The following KMT2B variants were observed in gnomAD, a reference collection of about 807,000 sequenced individuals.
The protein encoded by KMT2B is histone-lysine N-methyltransferase 2B.
KMT2B carries 22 observed loss-of-function variants against 255.3 expected under a neutral mutation model. The ratio of observed to expected loss-of-function variants is 0.09; its 90% CI spans 0.06 to 0.12. The LOEUF is 0.12. Ranked by LOEUF, KMT2B falls within the 10% of genes least tolerant of loss-of-function variation. KMT2B has a pLI of 1.00. For missense variants in KMT2B, 3,149 were observed against 3,737.0 expected, an observed-to-expected ratio of 0.84 and a Z score of 4.10; for synonymous variants, 1,730 against 1,498.1, an observed-to-expected ratio of 1.15 and a Z score of -3.57.
Position 35,725,565 on chromosome 19 carries a change from C to G in KMT2B, c.3729C>G (p.Thr1243=). The G allele has an allele frequency of 6.2e-7, 1 of 1,610,574 alleles. No homozygotes were observed. The highest frequency in any genetic ancestry group is 8.5e-7 in the Non-Finnish European group (1 of 1,179,878). The change falls in exon 12 of 37, where the codon ACC becomes ACG. Residue 1243 remains threonine, a synonymous_variant. Transcript: ENST00000420124. The surrounding 1 kb of genome is among the most constrained non-coding windows in gnomAD (Gnocchi z 4.1). ...AERPLPQHHD[T]WCCRRCKFCH... Reference sequence around the variant, plus strand: ...GGCCCCTGCCCCAGCATCACGACACCTGGTGCTGCCGTCGCTGCAAATTCT... The same window carrying G: ...GGCCCCTGCCCCAGCATCACGACACGTGGTGCTGCCGTCGCTGCAAATTCT...
Position 35,733,711 on chromosome 19 carries a change from G to A in KMT2B, c.7049+25G>A. On this transcript the variant is annotated intron_variant, in intron 29 of 36. Coordinates refer to ENST00000420124, the MANE Select transcript of KMT2B (RefSeq NM_014727.3). This position sits in a 1 kb window ranked among gnomAD's most constrained non-coding sequence, Gnocchi z 4.3. ...GGTGAGTGGCCAGGCCCCTCTCCCTGGAGGGTCTGGGACCTCTGTCCTTCC... is the reference window on the plus strand; with the variant it reads ...GGTGAGTGGCCAGGCCCCTCTCCCTAGAGGGTCTGGGACCTCTGTCCTTCC... 6.2e-7 allele frequency: 1 copy of A among 1,606,658 alleles called. No individual in the cohort carries two copies. Among genetic ancestry groups the A allele is most frequent in the Non-Finnish European group, 8.5e-7 (1 of 1,176,410 alleles).
chr19:35,729,347 C>T (rs755115391), intron 22 of KMT2B, 51 bp downstream of exon 22: 18 of 1,548,376 alleles, frequency 1.2e-5, no homozygotes, highest in Non-Finnish European at 1.5e-5. Flanking sequence ...CTTGGGGAGG[C>T]CTCCTCCGGT....
chr19:35,730,803 G>T lies in KMT2B; in HGVS notation c.5373G>T (p.Glu1791Asp). ...ATCGGCCATGGGGGCCGAGGGAAGA[G>T]CCAGCTCACCTGGAGGCTGCAGAGG... The part of the protein sequence containing the change: ...LEYRPWGPRE[E>D]PAHLEAAEEN... Residue 1791 changes from glutamate to aspartate, a missense_variant, in exon 26 of 37, where the codon GAG (glutamate) becomes GAT (aspartate). Glu to Asp is a conservative substitution (Grantham distance 45). Around this residue, in one of 18 missense-constraint regions of KMT2B, gnomAD observed 34 missense variants for 51.6 expected, o/e 0.66. Coordinates refer to ENST00000420124, the MANE Select transcript of KMT2B (RefSeq NM_014727.3). 1 of 1,613,728 alleles carries T rather than the reference G, an allele frequency of 6.2e-7. No individual in the cohort carries two copies. Among genetic ancestry groups the T allele is most frequent in the Non-Finnish European group, 8.5e-7 (1 of 1,179,818 alleles).
intron 3 of KMT2B, 155 bp from the exon 4 acceptor site, chr19:35,722,204 C>G: frequency 3.2e-6 from 1 of 316,228 alleles, no homozygotes; most frequent in Admixed American, 6.5e-5. Context: ...AGGGTTTCAC[C>G]ACATTGGCTA....
In KMT2B at chr19:35,723,864, C is replaced by T. The variant is rs755772248; in HGVS notation, c.3191C>T (p.Pro1064Leu). 23 of 1,607,394 alleles carry T rather than the reference C, an allele frequency of 1.4e-5. No homozygotes were observed. The East Asian group carries it at 4.9e-4, about 34-fold the overall frequency. The change falls in exon 8 of 37, where the codon CCC (proline) becomes CTC (leucine). Residue 1064 changes from proline (P) to leucine (L), a missense_variant. Transcript: ENST00000420124. The surrounding 1 kb of genome is among the most constrained non-coding windows in gnomAD (Gnocchi z 7.5). ...PREEVVAHPG[P>L]EEQDSLLQRK... Reference sequence around the variant, plus strand: ...GAGGAGGTGGTGGCCCACCCAGGGCCCGAGGAGCAGGACTCCCTCCTGCAG... The same window carrying T: ...GAGGAGGTGGTGGCCCACCCAGGGCTCGAGGAGCAGGACTCCCTCCTGCAG...
At chr19:35,728,010 G>T (rs756473080) in intron 18 of KMT2B, 25 bp downstream of exon 18, 4 of 1,549,114 alleles carry the variant, frequency 2.6e-6, no homozygotes, top group South Asian at 1.2e-5. Flanking sequence ...GGATGCTTGT[G>T]GGGTGGGGGA....
At position 35,721,008 on chromosome 19, in the gene KMT2B, C is replaced by G; in HGVS notation, c.1661C>G (p.Pro554Arg). ...RRFMDEDPPK[P>R]PKVEVSPVLR... ...TTTATGGATGAAGACCCCCCCAAAC[C>G]CCCAAAGGTGGAGGTCTCACCTGTC... The change falls in exon 3 of 37, where the codon CCC becomes CGC. Residue 554 changes from proline to arginine, a missense_variant. By Grantham distance (103) the Pro-to-Arg change is moderately radical. Around this residue, in one of 18 missense-constraint regions of KMT2B, gnomAD observed 1,188 missense variants for 1,106.4 expected, o/e 1.07. Coordinates refer to ENST00000420124, the MANE Select transcript of KMT2B (RefSeq NM_014727.3). 1.9e-6 allele frequency: 3 copies of G among 1,610,506 alleles called. No homozygotes were observed. Among genetic ancestry groups the G allele is most frequent in the Non-Finnish European group, 2.5e-6 (3 of 1,178,768 alleles).
Position 35,728,722 on chromosome 19 carries a change from C to T in KMT2B, c.4572-52C>T, listed in dbSNP as rs142644094. On this transcript the variant is annotated intron_variant, in intron 19 of 36. Transcript: ENST00000420124. ...TCAGGCTGGTTTGTGGATGGGCCCC[C>T]GTTCAGCTGCCCTTGTTGGGCACAT... 4.1e-3 allele frequency: 5,935 copies of T among 1,437,990 alleles called. 17 individuals are homozygous for T. Among genetic ancestry groups the T allele is most frequent in the Non-Finnish European group, 4.9e-3 (5,071 of 1,026,224 alleles). 89.1% of individuals were successfully genotyped at this position (1,437,990 alleles called of 1,614,324 possible).
Position 35,720,997 on chromosome 19 carries a change from C to G in KMT2B, c.1650C>G (p.Asp550Glu), listed in dbSNP as rs775276995. 43 of 1,609,668 alleles carry G rather than the reference C, an allele frequency of 2.7e-5. 1 individual carries two copies. The South Asian group carries it at 4.5e-4, about 17-fold the overall frequency. ...CACCCCGGCGATTTATGGATGAAGA[C>G]CCCCCCAAACCCCCAAAGGTGGAGG... ...IKTPRRFMDE[D>E]PPKPPKVEVS... The change falls in exon 3 of 37, where the codon GAC becomes GAG. Residue 550 changes from aspartate (D) to glutamate (E), a missense_variant. Coordinates refer to ENST00000420124, the MANE Select transcript of KMT2B (RefSeq NM_014727.3).
At chr19:35,729,378 A>G (rs1969600636) in intron 22 of KMT2B, 82 bp downstream of exon 22, 1 of 1,500,798 alleles carries the variant, frequency 6.7e-7, no homozygotes, top group Non-Finnish European at 9.0e-7. Context: ...CTTACTTCAC[A>G]TTCCCTACCT....
Position 35,718,043 on chromosome 19 carries a change from A to C in KMT2B, c.25A>C (p.Ser9Arg). 1.0e-6 allele frequency: 1 copy of C among 985,148 alleles called. No homozygotes were observed. Among genetic ancestry groups the C allele is most frequent in the Non-Finnish European group, 1.2e-6 (1 of 831,158 alleles). 61.0% of individuals were successfully genotyped at this position (985,148 alleles called of 1,614,324 possible). Reference protein sequence around the residue: MAAAAGGGSCPGPGSARGR... With the variant: MAAAAGGGRCPGPGSARGR... ...GATGGCGGCGGCGGCGGGCGGCGGC[A>C]GTTGCCCCGGGCCTGGCTCCGCGCG... is the stretch of plus-strand genomic sequence containing the variant. Residue 9 changes from serine to arginine, a missense_variant, in exon 1 of 37, where the codon AGT becomes CGT. This residue lies in a region of KMT2B where 15 missense variants were observed against 16.8 expected (regional missense o/e 0.89). Coordinates refer to ENST00000420124, the MANE Select transcript of KMT2B (RefSeq NM_014727.3). The surrounding 1 kb of genome is among the most constrained non-coding windows in gnomAD (Gnocchi z 5.0).
intron 3 of KMT2B, 131 bp downstream of exon 3, chr19:35,721,935 T>A: frequency 8.1e-7 from 1 of 1,231,458 alleles, no homozygotes; most frequent in Non-Finnish European, 1.1e-6. Flanking sequence ...CTTTCTGTGA[T>A]CCCCCACCTT....
In KMT2B at chr19:35,738,827, G is replaced by T; in HGVS notation, c.*270G>T. 2.0e-6 allele frequency: 1 copy of T among 511,882 alleles called. No homozygotes were observed. Among genetic ancestry groups the T allele is most frequent in the African/African-American group, 1.9e-5 (1 of 52,210 alleles). The allele number at this position is 511,882 out of a possible 1,614,324, so 31.7% of individuals were successfully genotyped here. A position where few individuals can be genotyped will look rare whatever the true frequency, so the allele number is the denominator to read the frequency against. The stretch of plus-strand genomic sequence containing the variant: ...TTTCTATGCACTTTTTTATTTAAGA[G>T]GTGGGGTCCCAGGTGGGAACCCCCC... On this transcript the variant is annotated 3_prime_UTR_variant, in exon 37 of 37. Coordinates refer to ENST00000420124, the MANE Select transcript of KMT2B (RefSeq NM_014727.3). The surrounding 1 kb of genome is among the most constrained non-coding windows in gnomAD (Gnocchi z 8.7).
chr19:35,721,586 C>G lies in KMT2B; in HGVS notation c.2239C>G (p.Gln747Glu), dbSNP rs1969211844. The G allele has an allele frequency of 6.2e-7, 1 of 1,612,352 alleles. No homozygotes were observed. The highest frequency in any genetic ancestry group is 1.1e-5 in the South Asian group (1 of 91,066). The change falls in exon 3 of 37, where the codon CAG (glutamine) becomes GAG (glutamate). Residue 747 changes from glutamine (Q) to glutamate (E), a missense_variant. Gln to Glu is a conservative substitution (Grantham distance 29). Coordinates refer to ENST00000420124, the MANE Select transcript of KMT2B (RefSeq NM_014727.3). ...GCAGCCCCTGCAGGCCTTGCAAACC[C>G]AGCTCCTGCCCCAGGCACTACCGCC... is the stretch of plus-strand genomic sequence containing the variant. ...LLQPLQALQT[Q>E]LLPQALPPPQ...
rs1223543367 is a variant in KMT2B at position 35,732,545 on chromosome 19, G to A, written c.5996G>A (p.Gly1999Glu). 6 of 1,613,760 alleles carry A rather than the reference G, an allele frequency of 3.7e-6. No individual in the cohort carries two copies. Among genetic ancestry groups the A allele is most frequent in the African/African-American group, 1.3e-5 (1 of 74,934 alleles). The change falls in exon 28 of 37, where the codon GGG becomes GAG. Residue 1999 changes from glycine (G) to glutamate (E), a missense_variant. Transcript: ENST00000420124. ...ADLDFAASLL[G>E]TEPFQEEIVA... ...CTGGACTTCGCGGCCAGCCTGCTGG[G>A]GACTGAGCCCTTCCAGGAAGAGATT...
Position 35,731,946 on chromosome 19 carries a change from G to A in KMT2B, c.5476G>A (p.Val1826Ile), listed in dbSNP as rs759835495. Residue 1826 changes from valine (V) to isoleucine (I), a missense_variant, in exon 27 of 37, where the codon GTT becomes ATT. This residue lies in a region of KMT2B where 897 missense variants were observed against 825.3 expected (regional missense o/e 1.09). Transcript: ENST00000420124. ...GGEDPPLDTD[V>I]LVPGAPERHS... is the part of the protein sequence containing the mutation. The stretch of plus-strand genomic sequence containing the variant: ...TGAGGACCCCCCACTGGACACAGAT[G>A]TTCTTGTCCCTGGAGCTCCTGAGCG... 3 of 1,613,782 alleles carry A rather than the reference G, an allele frequency of 1.9e-6. No homozygotes were observed. Among genetic ancestry groups the A allele is most frequent in the Admixed American group, 3.3e-5 (2 of 60,004 alleles).
At chr19:35,719,154 A>G (rs1969081314) in intron 1 of KMT2B, among the ~76,000 whole-genome samples, 1 of 152,040 alleles carries the variant, frequency 6.6e-6, no homozygotes, top group Non-Finnish European at 1.5e-5. Context: ...TTGGACTCTG[A>G]AGGAATCTGA....
chr19:35,721,877 C>T (rs888187455), intron 3 of KMT2B, 73 bp downstream of exon 3: 22 of 1,453,174 alleles, frequency 1.5e-5, no homozygotes, highest in African/African-American at 1.4e-4. Flanking sequence ...CCTAACCTTC[C>T]GCCTCCTTGG....
In KMT2B at chr19:35,719,756, C is replaced by T. The variant is rs768030353; in HGVS notation, c.437-28C>T. ...CTCTGTGTGTAGGGCTGGCTTGATC[C>T]ATCTCCCCACAACTATTCTCCTTTT... is the stretch of plus-strand genomic sequence containing the variant. On this transcript the variant is annotated intron_variant, in intron 2 of 36. Transcript: ENST00000420124. 16 of 1,553,106 alleles carry T rather than the reference C, an allele frequency of 1.0e-5. No individual in the cohort carries two copies. The South Asian group carries it at 1.1e-4, about 11-fold the overall frequency.
Sources: allele counts gnomAD v4.1 joint callset (sites outside exome capture counted in the v4.1 genomes callset), GRCh38; gene constraint gnomAD v4.1.1; regional missense constraint gnomAD v4.1.1; non-coding constraint Gnocchi (gnomAD v3.1); transcripts MANE v1.5; gene names NCBI Gene and HGNC (gene_info 2026-07-23, HGNC 2026-07-21).